Variants in SPIDR observed in about 807,000 individuals in gnomAD.
SPIDR encodes the protein DNA repair-scaffolding protein.
In SPIDR, 93 loss-of-function variants were observed where a neutral mutation model predicts 104.6. That is an observed-to-expected ratio of 0.89 (90% CI 0.75 to 1.06). SPIDR has a LOEUF of 1.06. Ranked by LOEUF, SPIDR falls within the 50% of genes least tolerant of loss-of-function variation. The pLI, the probability that SPIDR is intolerant of heterozygous loss-of-function variation, is 0.00. For synonymous variants in SPIDR, 431 were observed against 416.9 expected, an observed-to-expected ratio of 1.03 and a Z score of -0.41; for missense variants, 1,154 against 1,111.2, an observed-to-expected ratio of 1.04 and a Z score of -0.55.
intron 8 of SPIDR, among the ~76,000 whole-genome samples, chr8:47,481,823 C>T (rs2076934054): frequency 6.6e-6 from 1 of 152,230 alleles, no homozygotes. Context: ...TTGAAGGGAA[C>T]TCTCTGGAGA....
intron 8 of SPIDR, among the ~76,000 whole-genome samples, chr8:47,452,893 A>G (rs564641333): frequency 2.9e-4 from 44 of 152,180 alleles, no homozygotes; most frequent in Non-Finnish European, 5.4e-4. Flanking sequence ...AATAAAGGGT[A>G]TTCAATTAGG....
intron 5 of SPIDR, among the ~76,000 whole-genome samples, chr8:47,393,427 C>T (rs1238701782): frequency 5.3e-5 from 8 of 152,108 alleles, no homozygotes; most frequent in African/African-American, 1.9e-4. Flanking sequence ...AAATGTTGTT[C>T]GAATGGTCAA....
chr8:47,472,261 G>T (rs764717504), intron 8 of SPIDR, among the ~76,000 whole-genome samples: 1 of 152,168 alleles, frequency 6.6e-6, no homozygotes, highest in Non-Finnish European at 1.5e-5. Context: ...CCTTCACATT[G>T]TCTCCTAGGA....
At chr8:47,584,220 C>G (rs1021193561) in intron 8 of SPIDR, among the ~76,000 whole-genome samples, 1 of 152,160 alleles carries the variant, frequency 6.6e-6, no homozygotes, top group Non-Finnish European at 1.5e-5. Context: ...TTCAGATTCC[C>G]TAATTCAGAA....
intron 8 of SPIDR, among the ~76,000 whole-genome samples, chr8:47,464,188 A>G (rs2074404783): frequency 6.6e-6 from 1 of 151,952 alleles, no homozygotes; most frequent in Admixed American, 6.6e-5. Flanking sequence ...AAAGTTGCAC[A>G]ATGCAGATTA....
chr8:47,289,328 ATATC>A (rs1384498686), intron 3 of SPIDR, among the ~76,000 whole-genome samples: 2 of 152,178 alleles, frequency 1.3e-5, no homozygotes, highest in Non-Finnish European at 2.9e-5. Flanking sequence ...AATTTTATAA[ATATC>A]TAATCTCTTA....
Position 47,337,690 on chromosome 8 carries a change from C to T in SPIDR, c.525+43660C>T, listed in dbSNP as rs1045828703. On this transcript the variant is annotated intron_variant, in intron 5 of 19. Transcript: ENST00000297423. ...TCATGAAGATTTATACCTGTGTTTT[C>T]TTCTAAGATCTTTATAGTTTCAGCT... Among the ~76,000 whole-genome samples the T allele has an allele frequency of 3.4e-5, 5 of 145,462 alleles. No homozygotes were observed. In the South Asian group the frequency reaches 8.6e-4, roughly 25 times the overall value.
rs1015689174 is a variant in SPIDR at position 47,592,336 on chromosome 8, A to T, written c.1098-3475A>T. ...TGCTGGGGACCAGTTACCTTTCAAA[A>T]TATCGAAACATATTCTTCCCAACTT... is the stretch of plus-strand genomic sequence containing the variant. On this transcript the variant is annotated intron_variant, in intron 8 of 19. Transcript: ENST00000297423. 10 of 1,179,364 alleles carry T rather than the reference A, an allele frequency of 8.5e-6. No homozygotes were observed. In the African/African-American group the frequency reaches 1.5e-4, roughly 18 times the overall value. The allele number at this position is 1,179,364 out of a possible 1,614,324, so 73.1% of individuals were successfully genotyped here.
chr8:47,378,559 G>T (rs1329074799), intron 5 of SPIDR, among the ~76,000 whole-genome samples: 1 of 152,150 alleles, frequency 6.6e-6, no homozygotes, highest in Non-Finnish European at 1.5e-5. Context: ...CTGGTACATT[G>T]TGTATAAGAT....
chr8:47,314,954 TAGC>T (rs1554588507), intron 5 of SPIDR, among the ~76,000 whole-genome samples: 4 of 152,128 alleles, frequency 2.6e-5, no homozygotes, highest in African/African-American at 9.7e-5. Context: ...AGGAAAGGTG[TAGC>T]ATGCAAACAG....
At chr8:47,458,443 A>ATT (rs1471924549) in intron 8 of SPIDR, among the ~76,000 whole-genome samples, 2 of 150,006 alleles carry the variant, frequency 1.3e-5, no homozygotes, top group Non-Finnish European at 3.0e-5. Flanking sequence ...CAGCTTGGTC[A>ATT]TTGATGCTGT....
intron 8 of SPIDR, among the ~76,000 whole-genome samples, chr8:47,565,649 C>CT (rs1219832781): frequency 6.6e-6 from 1 of 151,314 alleles, no homozygotes; most frequent in East Asian, 1.9e-4. Context: ...CATTTGTATT[C>CT]TTTTTTTATT....
intron 10 of SPIDR, chr8:47,667,962 G>A (rs2075215886): frequency 6.6e-6 from 1 of 151,280 alleles, no homozygotes; most frequent in Admixed American, 6.6e-5. Context: ...TAGACAAGAT[G>A]GAAAAATCCC....
At chr8:47,496,961 C>T (rs1486941484) in intron 8 of SPIDR, among the ~76,000 whole-genome samples, 1 of 151,936 alleles carries the variant, frequency 6.6e-6, no homozygotes, top group Admixed American at 6.6e-5. Flanking sequence ...GTCCATTTTA[C>T]TTCCATTTTC....
Position 47,294,092 on chromosome 8 carries a change from A to ATT in SPIDR, c.525+72_525+73dup, listed in dbSNP as rs782054578. 82 of 1,152,758 alleles carry ATT rather than the reference A, an allele frequency of 7.1e-5. No individual in the cohort carries two copies. The South Asian group carries it at 7.9e-4, about 11-fold the overall frequency. The allele number at this position is 1,152,758 out of a possible 1,614,324, so 71.4% of individuals were successfully genotyped here. On this transcript the variant is annotated intron_variant, in intron 5 of 19. Transcript: ENST00000297423. ...ATAACATTTGCTAATCATAGTTGTC[A>ATT]TTTTTTTTTTTGTTTTTTTTTTCCT... is the stretch of plus-strand genomic sequence containing the variant.
chr8:47,672,573 T>C (rs1011456276), intron 10 of SPIDR, among the ~76,000 whole-genome samples: 2 of 152,260 alleles, frequency 1.3e-5, no homozygotes, highest in Admixed American at 1.3e-4. Context: ...GTAGCTTTCC[T>C]TTTTGAAAAT....
intron 5 of SPIDR, among the ~76,000 whole-genome samples, chr8:47,361,115 T>A (rs151001771): frequency 5.3e-5 from 8 of 152,338 alleles, no homozygotes; most frequent in Non-Finnish European, 1.2e-4. Context: ...AGTGCTGTGA[T>A]CTCAGGTACC....
At chr8:47,387,340 A>AG (rs1554649001) in intron 5 of SPIDR, among the ~76,000 whole-genome samples, 1 of 152,120 alleles carries the variant, frequency 6.6e-6, no homozygotes, top group Non-Finnish European at 1.5e-5. Context: ...AGTTGTTTAT[A>AG]GGATCTTAAG....
At chr8:47,460,627 G>C (rs182144225) in intron 8 of SPIDR, among the ~76,000 whole-genome samples, 1 of 152,238 alleles carries the variant, frequency 6.6e-6, no homozygotes, top group East Asian at 1.9e-4. Context: ...CTTTTAAGTG[G>C]AGCATTTAAG....
Sources: gnomAD v4.1 joint callset for allele counts (sites outside exome capture counted in the v4.1 genomes callset) on GRCh38, gnomAD v4.1.1 for gene constraint, MANE v1.5 for transcripts, NCBI Gene and HGNC (gene_info 2026-07-23, HGNC 2026-07-21) for gene names.